Variants in CSPG4 observed in about 807,000 individuals in gnomAD.
The protein encoded by CSPG4 is chondroitin sulfate proteoglycan 4 (melanoma-associated).
In CSPG4, 74 loss-of-function variants were observed where a neutral mutation model predicts 139.3. The ratio of observed to expected loss-of-function variants is 0.53; its 90% CI spans 0.44 to 0.64. The LOEUF (loss-of-function observed/expected upper bound fraction) is 0.64. CSPG4 is among the 30% of genes least tolerant of loss of function. The pLI is 0.00. For missense variants in CSPG4, 2,565 were observed against 3,148.3 expected (o/e 0.81, Z 4.43); for synonymous variants, 1,234 against 1,394.2 (o/e 0.89, Z 2.56).
chr15:75,688,865 G>C lies in CSPG4; in HGVS notation c.2200C>G (p.Arg734Gly). 1 of 1,612,358 alleles carries C rather than the reference G, an allele frequency of 6.2e-7. No homozygotes were observed. The highest frequency in any genetic ancestry group is 8.5e-7 in the Non-Finnish European group (1 of 1,179,964). Residue 734 changes from arginine to glycine, a missense_variant, in exon 3 of 10, where the codon CGG becomes GGG. Transcript: ENST00000308508. ...CTCACGCGGCCCTGCTCCACATCCC[G>C]CTGGTGGAACGCCTGTGTGGCCCAC... ...EWWATQAFHQRDVEQGRVRYL... is the reference protein window; with the variant it reads ...EWWATQAFHQGDVEQGRVRYL...
chr15:75,710,017 A>G (rs1894427108), intron 1 of CSPG4, among the ~76,000 whole-genome samples: 2 of 151,790 alleles, frequency 1.3e-5, no homozygotes, highest in Admixed American at 1.3e-4. Context: ...CCCGAGCACC[A>G]TCGGTCCCCC....
In CSPG4 at chr15:75,687,431, C is replaced by T; in HGVS notation, c.3634G>A (p.Ala1212Thr). ...NGSLSPRDTMAFSVEAGPVHT... is the reference protein window; with the variant it reads ...NGSLSPRDTMTFSVEAGPVHT... ...ACTGGCCCTGCTTCCACGGAGAAGG[C>T]CATGGTGTCGCGGGGGCTGAGGCTG... Residue 1212 changes from alanine (A) to threonine (T), a missense_variant, in exon 3 of 10, where the codon GCC becomes ACC. By Grantham distance (58) the Ala-to-Thr change is moderately conservative. Around this residue, in one of 5 missense-constraint regions of CSPG4, gnomAD observed 2,316 missense variants for 2,818.2 expected, o/e 0.82. Coordinates refer to ENST00000308508, the MANE Select transcript of CSPG4 (RefSeq NM_001897.5). This position sits in a 1 kb window ranked among gnomAD's most constrained non-coding sequence, Gnocchi z 5.4. 1 of 1,612,796 alleles carries T rather than the reference C, an allele frequency of 6.2e-7. No individual in the cohort carries two copies. The highest frequency in any genetic ancestry group is 1.7e-5 in the Admixed American group (1 of 60,014).
Position 75,690,524 on chromosome 15 carries a change from G to A in CSPG4, c.541C>T (p.Leu181Phe). 1 of 1,609,648 alleles carries A rather than the reference G, an allele frequency of 6.2e-7. No individual in the cohort carries two copies. Residue 181 changes from leucine (L) to phenylalanine (F), a missense_variant, in exon 3 of 10, where the codon CTC becomes TTC. Physicochemically the swap from Leu to Phe is conservative, Grantham distance 22. Around this residue, in one of 5 missense-constraint regions of CSPG4, gnomAD observed 132 missense variants for 132.3 expected, o/e 1.00. Transcript: ENST00000308508. ...HAATLNGRSLLRPLTPDVHEG... is the reference protein window; with the variant it reads ...HAATLNGRSLFRPLTPDVHEG... ...TGCACATCGGGGGTCAGAGGCCGGAGGAGGCTGCGGCCATTGAGGGTGGCT... is the reference window on the plus strand; with the variant it reads ...TGCACATCGGGGGTCAGAGGCCGGAAGAGGCTGCGGCCATTGAGGGTGGCT...
rs532766180 is a variant in CSPG4 at position 75,684,373 on chromosome 15, T to A, written c.4449+363A>T. The stretch of plus-strand genomic sequence containing the variant: ...GAGCCAAGCCATGGCCTTCACTTGC[T>A]GGGTGAAGGTGGGAAACTTAACAGC... On this transcript the variant is annotated intron_variant, in intron 5 of 9. Coordinates refer to ENST00000308508, the MANE Select transcript of CSPG4 (RefSeq NM_001897.5). 5.9e-5 allele frequency among the ~76,000 whole-genome samples: 9 copies of A among 152,348 alleles called. No individual in the cohort carries two copies. In the East Asian group the frequency reaches 1.5e-3, roughly 26 times the overall value.
chr15:75,682,313 C>T lies in CSPG4; in HGVS notation c.4930G>A (p.Val1644Met). ...AQQDSTGEAL[V>M]NFTQAEVYAG... ...CTTACCTCTGCCTGAGTGAAGTTCA[C>T]CAGGGCCTCCCCTGTGCTGTCCTGC... is the stretch of plus-strand genomic sequence containing the variant. The change falls in exon 8 of 10, where the codon GTG becomes ATG. Residue 1644 changes from valine (V) to methionine (M), a missense_variant. Val to Met is a conservative substitution (Grantham distance 21, BLOSUM62 1). This residue lies in a region of CSPG4 where 2,316 missense variants were observed against 2,818.2 expected (regional missense o/e 0.82). Transcript: ENST00000308508. The T allele has an allele frequency of 2.5e-6, 4 of 1,596,668 alleles. No individual in the cohort carries two copies. The highest frequency in any genetic ancestry group is 3.4e-6 in the Non-Finnish European group (4 of 1,179,920).
chr15:75,688,042 C>T lies in CSPG4; in HGVS notation c.3023G>A (p.Arg1008Gln), dbSNP rs773231752. Residue 1008 changes from arginine (R) to glutamine (Q), a missense_variant, in exon 3 of 10, where the codon CGA (arginine) becomes CAA (glutamine). Arg to Gln is a conservative substitution (Grantham distance 43, BLOSUM62 1). This residue lies in a region of CSPG4 where 2,316 missense variants were observed against 2,818.2 expected (regional missense o/e 0.82). Coordinates refer to ENST00000308508, the MANE Select transcript of CSPG4 (RefSeq NM_001897.5). ...MAWEEVRGVF[R>Q]VAIQPVNDHA... ...GTCATTCACGGGCTGGATGGCCACT[C>T]GGAAGACACCCCGTACCTCCTCCCA... 9.3e-6 allele frequency: 15 copies of T among 1,611,944 alleles called. No individual in the cohort carries two copies. The highest frequency in any genetic ancestry group is 5.5e-5 in the South Asian group (5 of 90,940).
At chr15:75,686,902 G>A (rs759092858) in intron 3 of CSPG4, among the ~76,000 whole-genome samples, 102 of 152,170 alleles carry the variant, frequency 6.7e-4, no homozygotes, top group Non-Finnish European at 9.0e-4. Context: ...CTGTCTCCAC[G>A]GTCAGCAATC....
intron 1 of CSPG4, among the ~76,000 whole-genome samples, chr15:75,701,964 CCTTCAA>C (rs1894308657): frequency 6.6e-6 from 1 of 152,248 alleles, no homozygotes. Flanking sequence ...CCCAAATTCT[CCTTCAA>C]CTTCATCTTC....
chr15:75,678,889 C>T (rs1039131532), intron 8 of CSPG4: 2 of 417,348 alleles, frequency 4.8e-6, no homozygotes, highest in East Asian at 7.3e-5. Flanking sequence ...TGCTCAGTGG[C>T]ACTGGTGCCG....
intron 1 of CSPG4, among the ~76,000 whole-genome samples, chr15:75,705,777 G>A (rs376946033): frequency 1.3e-5 from 2 of 152,168 alleles, no homozygotes; most frequent in East Asian, 1.9e-4. Context: ...TCAGCTGCTC[G>A]CAGACTCCCA....
At position 75,682,696 on chromosome 15, in the gene CSPG4, T is replaced by C. The variant is rs1893991217; in HGVS notation, c.4694A>G (p.His1565Arg). 6.2e-7 allele frequency: 1 copy of C among 1,612,860 alleles called. No individual in the cohort carries two copies. The highest frequency in any genetic ancestry group is 8.5e-7 in the Non-Finnish European group (1 of 1,180,018). The change falls in exon 7 of 10, where the codon CAC becomes CGC. Residue 1565 changes from histidine to arginine, a missense_variant. Physicochemically the swap from His to Arg is conservative, Grantham distance 29. Coordinates refer to ENST00000308508, the MANE Select transcript of CSPG4 (RefSeq NM_001897.5). ...GFRFRLSDGEHTSPGHFFRVT... is the reference protein window; with the variant it reads ...GFRFRLSDGERTSPGHFFRVT... ...TCGGAAGAAGTGTCCGGGGGAAGTG[T>C]GCTCGCCGTCAGAGAGGCGGAAGCG...
intron 5 of CSPG4, among the ~76,000 whole-genome samples, chr15:75,684,399 T>G (rs1894022916): frequency 6.6e-6 from 1 of 152,236 alleles, no homozygotes; most frequent in South Asian, 2.1e-4. Context: ...ACTTAACAGC[T>G]TCCGCCCTGA....
intron 1 of CSPG4, among the ~76,000 whole-genome samples, chr15:75,706,221 T>TCTCCCCAGCCCCCTCTGTCTCCC (rs1352946009): frequency 3.9e-5 from 6 of 152,154 alleles, no homozygotes; most frequent in Admixed American, 2.6e-4. Flanking sequence ...GTTCGTCTCC[T>TCTCCCCAGCCCCCTCTGTCTCCC]CTCCCCAGCC....
In CSPG4 at chr15:75,688,299, G is replaced by C. The variant is rs1334706800; in HGVS notation, c.2766C>G (p.Leu922=). ...GGEGVLSADH[L]FVKSLNSASY... ...TGGCACTGTTGAGACTCTTGACAAA[G>C]AGGTGGTCAGCAGAGAGGACACCCT... The change falls in exon 3 of 10, where the codon CTC becomes CTG. Residue 922 remains leucine, a synonymous_variant. Coordinates refer to ENST00000308508, the MANE Select transcript of CSPG4 (RefSeq NM_001897.5). The C allele has an allele frequency of 2.5e-6, 4 of 1,613,186 alleles. No individual in the cohort carries two copies. The highest frequency in any genetic ancestry group is 1.3e-5 in the African/African-American group (1 of 75,076).
In CSPG4 at chr15:75,685,700, G is replaced by T. The variant is rs767096224; in HGVS notation, c.3791C>A (p.Ala1264Glu). 1.1e-5 allele frequency: 18 copies of T among 1,588,456 alleles called. 1 individual carries two copies. Among genetic ancestry groups the T allele is most frequent in the African/African-American group, 1.3e-5 (1 of 74,920 alleles). Residue 1264 changes from alanine (A) to glutamate (E), a missense_variant and splice_region_variant, in exon 4 of 10, where the codon GCA becomes GAA. By Grantham distance (107) the Ala-to-Glu change is moderately radical. This residue lies in a region of CSPG4 where 2,316 missense variants were observed against 2,818.2 expected (regional missense o/e 0.82). Coordinates refer to ENST00000308508, the MANE Select transcript of CSPG4 (RefSeq NM_001897.5). ...AAEIRRDQLE[A>E]AQEAVPPADI... Reference sequence around the variant, plus strand: ...TGCAGGTGGCACTGCCTCCTGGGCTGCCTGGTTAACAGAGGTCACAAGGAC... The same window carrying T: ...TGCAGGTGGCACTGCCTCCTGGGCTTCCTGGTTAACAGAGGTCACAAGGAC...
Position 75,675,281 on chromosome 15 carries a change from G to C in CSPG4, c.*269C>G, listed in dbSNP as rs371597463. 1.3e-4 allele frequency: 47 copies of C among 360,974 alleles called. No homozygotes were observed. The highest frequency in any genetic ancestry group is 7.8e-4 in the East Asian group (19 of 24,226). The allele number at this position is 360,974 out of a possible 1,614,324, so 22.4% of individuals were successfully genotyped here. On this transcript the variant is annotated 3_prime_UTR_variant, in exon 10 of 10. Transcript: ENST00000308508. ...ACCCTGGTTTTGACAGCCCAAACCA[G>C]CTCCAGGGCAGGAGGACTGAACTTA...
intron 1 of CSPG4, among the ~76,000 whole-genome samples, chr15:75,705,811 G>C (rs1894361831): frequency 6.6e-6 from 1 of 152,224 alleles, no homozygotes; most frequent in Non-Finnish European, 1.5e-5. Flanking sequence ...GCTCCTCCTT[G>C]ACCAGGGTGG....
At position 75,690,105 on chromosome 15, in the gene CSPG4, G is replaced by A. The variant is rs779230807; in HGVS notation, c.960C>T (p.Gly320=). Reference sequence around the variant, plus strand: ...CATCCAGCCCCCCGAGAAGGAGACTGCCCCGTGGCTCCAGGTAGCTGAGGA... The same window carrying A: ...CATCCAGCCCCCCGAGAAGGAGACTACCCCGTGGCTCCAGGTAGCTGAGGA... ...RGVLSYLEPR[G]SLLLGGLDAE... The change falls in exon 3 of 10, where the codon GGC becomes GGT. Residue 320 remains glycine (G), a synonymous_variant. Coordinates refer to ENST00000308508, the MANE Select transcript of CSPG4 (RefSeq NM_001897.5). 1.4e-5 allele frequency: 23 copies of A among 1,612,642 alleles called. No homozygotes were observed. The highest frequency in any genetic ancestry group is 8.5e-7 in the Non-Finnish European group (1 of 1,179,884).
In CSPG4 at chr15:75,676,287, C is replaced by T; in HGVS notation, c.6232G>A (p.Gly2078Ser). The T allele has an allele frequency of 6.3e-7, 1 of 1,595,512 alleles. No homozygotes were observed. Among genetic ancestry groups the T allele is most frequent in the Non-Finnish European group, 8.5e-7 (1 of 1,174,148 alleles). The stretch of plus-strand genomic sequence containing the variant: ...AGGAGGCGGAAGCGCGGCACACTGC[C>T]TGTGCGGTTGGCCAGCTCGCCAGCA... ...LDAGELANRTGSVPRFRLLEG... is the reference protein window; with the variant it reads ...LDAGELANRTSSVPRFRLLEG... The change falls in exon 10 of 10, where the codon GGC becomes AGC. Residue 2078 changes from glycine (G) to serine (S), a missense_variant. Around this residue, in one of 5 missense-constraint regions of CSPG4, gnomAD observed 2,316 missense variants for 2,818.2 expected, o/e 0.82. Transcript: ENST00000308508.
Sources: gnomAD v4.1 joint callset for allele counts (sites outside exome capture counted in the v4.1 genomes callset) on GRCh38, gnomAD v4.1.1 for gene constraint, gnomAD v4.1.1 regional missense constraint, Gnocchi (gnomAD v3.1) non-coding constraint, MANE v1.5 for transcripts, NCBI Gene and HGNC (gene_info 2026-07-23, HGNC 2026-07-21) for gene names.